FAM227B: variants seen among roughly 807,000 people sequenced by gnomAD.
FAM227B encodes protein FAM227B.
Under a neutral mutation model 73.8 loss-of-function variants are expected in FAM227B, and 88 were observed. That is an observed-to-expected ratio of 1.19 (90% confidence interval 1.00 to 1.42). The LOEUF is 1.42. Among genes scored for constraint, FAM227B ranks in the 40% most tolerant of loss-of-function variants. The probability of loss-of-function intolerance (pLI) is 0.00; values close to 1 mark genes in which losing one functional copy is unlikely to be tolerated. For missense variants in FAM227B, 632 were observed against 590.9 expected (o/e 1.07, Z -0.72); for synonymous variants, 210 against 190.5 (o/e 1.10, Z -0.84).
At chr15:49,597,015 A>G (rs1206207691) in intron 3 of FAM227B, among the ~76,000 whole-genome samples, 1 of 152,056 alleles carries the variant, frequency 6.6e-6, no homozygotes, top group African/African-American at 2.4e-5. Context: ...TGGGAACACA[A>G]TAATAGTGGG....
intron 5 of FAM227B, among the ~76,000 whole-genome samples, chr15:49,580,557 T>C (rs2075748822): frequency 6.6e-6 from 1 of 152,144 alleles, no homozygotes; most frequent in Non-Finnish European, 1.5e-5. Context: ...GCACAAGAAC[T>C]CTGGCAATTC....
chr15:49,393,714 G>C (rs780263969), intron 11 of FAM227B, among the ~76,000 whole-genome samples: 17 of 152,034 alleles, frequency 1.1e-4, no homozygotes, highest in Non-Finnish European at 2.4e-4. Flanking sequence ...CTACCACCAA[G>C]CTCCTACCCT....
chr15:49,587,298 T>C (rs117189423), intron 5 of FAM227B, among the ~76,000 whole-genome samples: 8,413 of 151,990 alleles, frequency 0.055, 331 homozygotes, highest in East Asian at 0.13. Flanking sequence ...CATGAACTCA[T>C]AGAGGAGAAC....
At chr15:49,511,463 ATTAACTT>A (rs1328079226) in intron 10 of FAM227B, among the ~76,000 whole-genome samples, 2 of 151,948 alleles carry the variant, frequency 1.3e-5, no homozygotes, top group East Asian at 1.9e-4. Context: ...TTATTTTTTC[ATTAACTT>A]TTAAGTTCCA....
At chr15:49,344,999 C>A (rs915249262) in intron 13 of FAM227B, among the ~76,000 whole-genome samples, 14 of 152,132 alleles carry the variant, frequency 9.2e-5, no homozygotes, top group Non-Finnish European at 1.5e-4. Context: ...GCTGCTTAAA[C>A]TTTATTTGCA....
intron 11 of FAM227B, among the ~76,000 whole-genome samples, chr15:49,452,886 A>C (rs567373623): frequency 3.3e-5 from 5 of 152,318 alleles, no homozygotes; most frequent in African/African-American, 1.2e-4. Context: ...AAAGATGATA[A>C]AACTAAATTT....
At chr15:49,357,172 G>T (rs907094684) in intron 13 of FAM227B, among the ~76,000 whole-genome samples, 11 of 149,672 alleles carry the variant, frequency 7.3e-5, no homozygotes, top group African/African-American at 2.7e-4. Flanking sequence ...ACAATTAAAA[G>T]AACTAGAAAA....
rs780889968 is a variant in FAM227B, at chr15:49,568,346, G to C, written c.646C>G (p.Pro216Ala). 1.0e-5 allele frequency: 16 copies of C among 1,600,282 alleles called. No homozygotes were observed. The East Asian group carries it at 3.2e-4, about 32-fold the overall frequency. Residue 216 changes from proline (P) to alanine (A), a missense_variant and splice_region_variant, in exon 9 of 16, where the codon CCT (proline) becomes GCT (alanine). Coordinates refer to ENST00000299338, the MANE Select transcript of FAM227B (RefSeq NM_152647.3). ...FWWWFLHKFRPDRENQDCLFD... is the reference protein window; with the variant it reads ...FWWWFLHKFRADRENQDCLFD... Reference sequence around the variant, plus strand: ...AAGCAATCTTGGTTTTCTCTGTCAGGCTTAAAAAAATGTGTGAAATTAAAG... The same window carrying C: ...AAGCAATCTTGGTTTTCTCTGTCAGCCTTAAAAAAATGTGTGAAATTAAAG...
chr15:49,341,947 C>T (rs927195231), intron 13 of FAM227B, among the ~76,000 whole-genome samples: 6 of 151,888 alleles, frequency 4.0e-5, no homozygotes, highest in African/African-American at 1.2e-4. Context: ...GCTTTATGGC[C>T]GAGCATGTGG....
chr15:49,366,034 G>T, intron 13 of FAM227B: 1 of 808,360 alleles, frequency 1.2e-6, no homozygotes. Context: ...AGGACTAAAA[G>T]TTAGATATTC....
chr15:49,429,712 A>C (rs2050425512), intron 11 of FAM227B, among the ~76,000 whole-genome samples: 1 of 151,886 alleles, frequency 6.6e-6, no homozygotes, highest in Non-Finnish European at 1.5e-5. Context: ...TTTTTCATTA[A>C]ATTGATCTGA....
intron 11 of FAM227B, among the ~76,000 whole-genome samples, chr15:49,489,954 G>A (rs1190125436): frequency 4.4e-5 from 6 of 135,288 alleles, no homozygotes; most frequent in African/African-American, 1.3e-4. Context: ...AGACACCTAG[G>A]CCCCAACGCA....
chr15:49,586,817 C>T (rs968073588), intron 5 of FAM227B, among the ~76,000 whole-genome samples: 4 of 151,904 alleles, frequency 2.6e-5, no homozygotes, highest in Admixed American at 6.6e-5. Flanking sequence ...AAATCAAAAC[C>T]GCAATGAGAT....
chr15:49,577,504 T>C (rs1358453807), intron 6 of FAM227B, 125 bp downstream of exon 6: 5 of 572,086 alleles, frequency 8.7e-6, no homozygotes, highest in Non-Finnish European at 1.5e-5. Flanking sequence ...TCTATACCTG[T>C]TTCCAACTCT....
chr15:49,596,109 A>C (rs909259744), intron 3 of FAM227B, among the ~76,000 whole-genome samples: 3 of 151,988 alleles, frequency 2.0e-5, no homozygotes, highest in Admixed American at 6.5e-5. Flanking sequence ...AGGAAGCTCA[A>C]TGGACATCCA....
intron 11 of FAM227B, chr15:49,488,378 T>C (rs1217763880): frequency 6.6e-6 from 1 of 152,006 alleles, no homozygotes; most frequent in Admixed American, 6.6e-5. Context: ...TATCCTTTAA[T>C]TTTGAATGGT....
intron 11 of FAM227B, among the ~76,000 whole-genome samples, chr15:49,406,150 T>C (rs1315492214): frequency 6.6e-6 from 1 of 152,178 alleles, no homozygotes; most frequent in African/African-American, 2.4e-5. Flanking sequence ...AGACCACTGG[T>C]CACTGCATTC....
chr15:49,513,118 C>T (rs1334151067), intron 10 of FAM227B, among the ~76,000 whole-genome samples: 1 of 152,130 alleles, frequency 6.6e-6, no homozygotes, highest in Non-Finnish European at 1.5e-5. Context: ...GGGTATATAT[C>T]TAGCAATGGA....
intron 11 of FAM227B, among the ~76,000 whole-genome samples, chr15:49,503,554 A>G (rs374811927): frequency 9.2e-5 from 14 of 152,226 alleles, no homozygotes; most frequent in African/African-American, 2.9e-4. Context: ...TCCAGACTCT[A>G]CAAAGAACTC....
Sources: gnomAD v4.1 joint callset for allele counts (sites outside exome capture counted in the v4.1 genomes callset) on GRCh38, gnomAD v4.1.1 for gene constraint, MANE v1.5 for transcripts, NCBI Gene and HGNC (gene_info 2026-07-23, HGNC 2026-07-21) for gene names.